SERINC5: variants seen among roughly 807,000 people sequenced by gnomAD.
SERINC5 encodes chromosome 5 open reading frame 12.
In SERINC5, 41 loss-of-function variants were observed where a neutral mutation model predicts 63.1. That is an observed-to-expected ratio of 0.65 (90% CI 0.51 to 0.84). SERINC5 has a LOEUF of 0.84. Ranked by LOEUF, SERINC5 falls within the 40% of genes least tolerant of loss-of-function variation. The pLI, the probability that SERINC5 is intolerant of heterozygous loss-of-function variation, is 0.00. For synonymous variants in SERINC5, 222 were observed against 215.2 expected (o/e 1.03, Z -0.28); for missense variants, 523 against 573.0 (o/e 0.91, Z 0.89).
At chr5:80,226,215 C>T (rs769662393) in intron 1 of SERINC5, among the ~76,000 whole-genome samples, 1 of 152,154 alleles carries the variant, frequency 6.6e-6, no homozygotes, top group Non-Finnish European at 1.5e-5. Context: ...CACTATGATG[C>T]CTGGCTAATT....
chr5:80,254,835 G>A (rs1240879543), intron 1 of SERINC5, among the ~76,000 whole-genome samples: 3 of 152,148 alleles, frequency 2.0e-5, no homozygotes, highest in Non-Finnish European at 4.4e-5. Context: ...AGCTCCACGT[G>A]GCCACTCTAA....
intron 2 of SERINC5, among the ~76,000 whole-genome samples, chr5:80,194,124 G>C (rs760226499): frequency 5.3e-5 from 8 of 152,212 alleles, no homozygotes; most frequent in Non-Finnish European, 1.2e-4. Context: ...TTGCTACGCA[G>C]AAAGAGAACT....
At chr5:80,125,714 G>C (rs564398717) in intron 11 of SERINC5, among the ~76,000 whole-genome samples, 94 of 152,346 alleles carry the variant, frequency 6.2e-4, no homozygotes, top group African/African-American at 2.1e-3. Flanking sequence ...CTGGGCAGTT[G>C]CTGCATTAAC....
At chr5:80,254,880 TACA>T (rs1752580879) in intron 1 of SERINC5, among the ~76,000 whole-genome samples, 1 of 152,206 alleles carries the variant, frequency 6.6e-6, no homozygotes, top group African/African-American at 2.4e-5. Flanking sequence ...AATCGCCGGT[TACA>T]GAAACCCACA....
chr5:80,119,497 C>A (rs1020745535), intron 11 of SERINC5, among the ~76,000 whole-genome samples: 3 of 152,210 alleles, frequency 2.0e-5, no homozygotes, highest in African/African-American at 7.2e-5. Flanking sequence ...ACAGGGCCAC[C>A]AGGGCAGGCA....
rs1745602989 is a variant in SERINC5, at chr5:80,143,010, C to G, written c.*653G>C. On this transcript the variant is annotated 3_prime_UTR_variant, in exon 12 of 12. Coordinates refer to ENST00000507668, the MANE Select transcript of SERINC5 (RefSeq NM_001174072.3). ...TCACATTATTACAAAGATGTGGGAC[C>G]CAGAAAAGATGAGACCTCGGGGAAG... 1 of 985,282 alleles carries G rather than the reference C, an allele frequency of 1.0e-6. No homozygotes were observed. The highest frequency in any genetic ancestry group is 6.1e-5 in the Admixed American group (1 of 16,262). The allele number at this position is 985,282 out of a possible 1,614,324, so 61.0% of individuals were successfully genotyped here. A position where few individuals can be genotyped will look rare whatever the true frequency, so the allele number is the denominator to read the frequency against.
chr5:80,182,508 G>A (rs1438967188), intron 2 of SERINC5, among the ~76,000 whole-genome samples: 2 of 146,256 alleles, frequency 1.4e-5, no homozygotes, highest in Non-Finnish European at 3.0e-5. Context: ...ATTCCTCTCT[G>A]TAGCTCAACA....
rs368493807 is a variant in SERINC5, at chr5:80,197,244, G to T, written c.195+5642C>A. Reference sequence around the variant, plus strand: ...GGCACCTGTAATCCCAGCTACTCGGGAGGCTGAAGCAGAAGATCGTGCCAC... The same window carrying T: ...GGCACCTGTAATCCCAGCTACTCGGTAGGCTGAAGCAGAAGATCGTGCCAC... On this transcript the variant is annotated intron_variant, in intron 2 of 11. Coordinates refer to ENST00000507668, the MANE Select transcript of SERINC5 (RefSeq NM_001174072.3). 5.9e-5 allele frequency among the ~76,000 whole-genome samples: 9 copies of T among 151,938 alleles called. No individual in the cohort carries two copies. In the South Asian group the frequency reaches 1.2e-3, roughly 21 times the overall value.
chr5:80,226,199 G>C (rs1751158613), intron 1 of SERINC5, among the ~76,000 whole-genome samples: 1 of 152,148 alleles, frequency 6.6e-6, no homozygotes, highest in Non-Finnish European at 1.5e-5. Context: ...CTGGAGTACA[G>C]GTGCACACTA....
chr5:80,198,063 C>A (rs1041873593), intron 2 of SERINC5, among the ~76,000 whole-genome samples: 1 of 152,070 alleles, frequency 6.6e-6, no homozygotes, highest in Non-Finnish European at 1.5e-5. Flanking sequence ...TGGTCTGGAT[C>A]TCTTGACCTT....
intron 2 of SERINC5, among the ~76,000 whole-genome samples, chr5:80,198,153 T>C (rs1196984712): frequency 6.6e-6 from 1 of 152,188 alleles, no homozygotes; most frequent in Non-Finnish European, 1.5e-5. Flanking sequence ...AATGGATTTT[T>C]AATCCCCCAG....
At chr5:80,179,037 T>C (rs1269736112) in intron 2 of SERINC5, among the ~76,000 whole-genome samples, 2 of 152,204 alleles carry the variant, frequency 1.3e-5, no homozygotes, top group Non-Finnish European at 2.9e-5. Context: ...CGGTGGCTCA[T>C]GCCTGTAATC....
At chr5:80,155,849 T>A (rs748398838) in intron 8 of SERINC5, among the ~76,000 whole-genome samples, 39 of 152,098 alleles carry the variant, frequency 2.6e-4, no homozygotes, top group Admixed American at 6.6e-5. Flanking sequence ...CAGCAATGAT[T>A]CCTGGGTGCA....
intron 7 of SERINC5, among the ~76,000 whole-genome samples, chr5:80,161,022 A>G (rs1298126869): frequency 8.1e-6 from 1 of 124,126 alleles, no homozygotes; most frequent in Non-Finnish European, 1.6e-5. Context: ...ATACGTGTAT[A>G]TATATACACA....
chr5:80,234,930 T>G (rs559866390), intron 1 of SERINC5, among the ~76,000 whole-genome samples: 5 of 152,200 alleles, frequency 3.3e-5, no homozygotes, highest in African/African-American at 9.6e-5. Context: ...TTTTTTACTA[T>G]GCTGAAACAC....
At chr5:80,125,508 A>G (rs1477905906) in intron 11 of SERINC5, among the ~76,000 whole-genome samples, 1 of 152,178 alleles carries the variant, frequency 6.6e-6, no homozygotes, top group South Asian at 2.1e-4. Context: ...GACATGAGCT[A>G]TATTGGAGTG....
At chr5:80,203,241 A>T (rs1265086534) in intron 1 of SERINC5, 188 bp from the exon 2 acceptor site, 2 of 497,668 alleles carry the variant, frequency 4.0e-6, no homozygotes. Context: ...CCTGTCTCTA[A>T]ATAAATATAT....
chr5:80,154,534 GAATTCCCAAAATGAAGACACA>G (rs1311818929), intron 8 of SERINC5, among the ~76,000 whole-genome samples: 1 of 152,094 alleles, frequency 6.6e-6, no homozygotes, highest in African/African-American at 2.4e-5. Flanking sequence ...GGCCAGAGCA[GAATTCCCAAAATGAAGACACA>G]AATCTCCCCC....
chr5:80,209,822 C>T (rs963035585), intron 1 of SERINC5, among the ~76,000 whole-genome samples: 3 of 152,048 alleles, frequency 2.0e-5, no homozygotes, highest in Admixed American at 6.5e-5. Context: ...ACTGGGTAGG[C>T]GGATCATTTG....
Sources: allele counts gnomAD v4.1 joint callset (sites outside exome capture counted in the v4.1 genomes callset), GRCh38; gene constraint gnomAD v4.1.1; transcripts MANE v1.5; gene names NCBI Gene and HGNC (gene_info 2026-07-23, HGNC 2026-07-21).